KCNMA1: variants seen among roughly 807,000 people sequenced by gnomAD.
KCNMA1 encodes the protein Calcium-activated potassium channel subunit alpha-1.
A neutral mutation model predicts 140.0 loss-of-function variants in KCNMA1; 29 were observed. The observed-to-expected ratio is 0.21, with a 90% CI of 0.15 to 0.28. The LOEUF (loss-of-function observed/expected upper bound fraction) is 0.28, where lower values mean the gene tolerates loss of function less well. Among genes scored for constraint, KCNMA1 ranks in the 10% least tolerant of loss-of-function variants. The pLI, the probability that KCNMA1 is intolerant of heterozygous loss-of-function variation, is 1.00. For synonymous variants in KCNMA1, 612 were observed against 611.9 expected, an observed-to-expected ratio of 1.00 and a Z score of 0.00; for missense variants, 880 against 1,602.2, an observed-to-expected ratio of 0.55 and a Z score of 7.70.
At chr10:77,439,670 C>T (rs146786348) in intron 1 of KCNMA1, among the ~76,000 whole-genome samples, 291 of 152,280 alleles carry the variant, frequency 1.9e-3, no homozygotes, top group Non-Finnish European at 2.8e-3. Context: ...AGGCAGTACT[C>T]GGAAAAGGGC....
chr10:76,890,099 C>T (rs1455968186), intron 26 of KCNMA1, among the ~76,000 whole-genome samples: 1 of 152,200 alleles, frequency 6.6e-6, no homozygotes, highest in Non-Finnish European at 1.5e-5. Flanking sequence ...GCACAATTTA[C>T]AGACCTCAGA....
intron 1 of KCNMA1, among the ~76,000 whole-genome samples, chr10:77,604,689 G>A (rs1049588897): frequency 1.1e-4 from 17 of 148,020 alleles, no homozygotes; most frequent in Non-Finnish European, 1.8e-4. Flanking sequence ...CCCATCCCCC[G>A]CCCCCCAAAA....
rs2096753746 is a variant in KCNMA1 at position 77,088,891 on chromosome 10, GCCA to G, written c.1334+1506_1334+1508del. 2.0e-5 allele frequency among the ~76,000 whole-genome samples: 3 copies of G among 152,296 alleles called. No individual in the cohort carries two copies. The East Asian group carries it at 5.8e-4, about 29-fold the overall frequency. ...GAAAGAGATGTCCCCAGTCACTTCT[GCCA>G]CCTGATCAAAATGACTTCAGCATCC... On this transcript the variant is annotated intron_variant, in intron 10 of 27. Coordinates refer to ENST00000286628, the MANE Select transcript of KCNMA1 (RefSeq NM_001161352.2).
intron 1 of KCNMA1, among the ~76,000 whole-genome samples, chr10:77,596,263 A>G (rs900625858): frequency 3.9e-5 from 6 of 152,210 alleles, no homozygotes; most frequent in African/African-American, 1.4e-4. Context: ...TCCTCTCCAG[A>G]GATCAATTTC....
At chr10:77,414,953 AACAG>A (rs2154479655) in intron 1 of KCNMA1, among the ~76,000 whole-genome samples, 1 of 152,348 alleles carries the variant, frequency 6.6e-6, no homozygotes. Context: ...AATGTGCAAG[AACAG>A]AGATGGAATC....
At chr10:76,912,018 G>A (rs10762734) in intron 24 of KCNMA1, 36,516 of 152,062 alleles carry the variant, frequency 0.24, 4,808 homozygotes, top group Admixed American at 0.34. Context: ...GGGGACTCCC[G>A]ATTGCCAGTG....
intron 14 of KCNMA1, among the ~76,000 whole-genome samples, chr10:77,053,213 T>C (rs550126166): frequency 6.6e-6 from 1 of 152,280 alleles, no homozygotes; most frequent in East Asian, 1.9e-4. Context: ...CAATAATACA[T>C]GTCTATCCAC....
chr10:76,895,807 C>A, intron 25 of KCNMA1, among the ~76,000 whole-genome samples: 1 of 152,146 alleles, frequency 6.6e-6, no homozygotes, highest in East Asian at 1.9e-4. Flanking sequence ...GGAGACATCA[C>A]ATGTCGGCGG....
intron 5 of KCNMA1, among the ~76,000 whole-genome samples, chr10:77,163,514 T>C (rs183407159): frequency 1.6e-4 from 24 of 152,302 alleles, no homozygotes; most frequent in Non-Finnish European, 2.5e-4. Flanking sequence ...TTACTGAGTA[T>C]CTCCCATGCG....
At chr10:76,907,637 C>G (rs565887582) in intron 25 of KCNMA1, among the ~76,000 whole-genome samples, 1 of 152,308 alleles carries the variant, frequency 6.6e-6, no homozygotes, top group South Asian at 2.1e-4. Context: ...CTCCCAGGCT[C>G]AAGCGATTCT....
At chr10:77,247,214 G>A (rs1295446637) in intron 3 of KCNMA1, among the ~76,000 whole-genome samples, 1 of 152,182 alleles carries the variant, frequency 6.6e-6, no homozygotes, top group Non-Finnish European at 1.5e-5. Flanking sequence ...CTTCACACAT[G>A]TGAGTCATCC....
chr10:77,356,477 T>A (rs2093488003), intron 2 of KCNMA1, among the ~76,000 whole-genome samples: 1 of 152,236 alleles, frequency 6.6e-6, no homozygotes, highest in Non-Finnish European at 1.5e-5. Flanking sequence ...AGAACTTGTC[T>A]TTGCCTTCTA....
chr10:77,383,030 T>A (rs7895105), intron 2 of KCNMA1, among the ~76,000 whole-genome samples: 3,643 of 101,922 alleles, frequency 0.036, 60 homozygotes, highest in East Asian at 0.11. Flanking sequence ...ATATATATAT[T>A]CCAAGTGGAG....
At chr10:77,328,285 A>G (rs2084983386) in intron 2 of KCNMA1, among the ~76,000 whole-genome samples, 1 of 152,224 alleles carries the variant, frequency 6.6e-6, no homozygotes, top group Non-Finnish European at 1.5e-5. Flanking sequence ...AGTGCTTATC[A>G]CTTCCTTTAA....
rs117676872 is a variant in KCNMA1 at position 76,994,044 on chromosome 10, G to A, written c.2266+7363C>T. On this transcript the variant is annotated intron_variant, in intron 19 of 27. Transcript: ENST00000286628. ...GCAAGAGTAACTGAGCAACTCAACCGACTCCACACTCTGTGGAGCCACACG... is the reference window on the plus strand; with the variant it reads ...GCAAGAGTAACTGAGCAACTCAACCAACTCCACACTCTGTGGAGCCACACG... Among the ~76,000 whole-genome samples, 487 of 152,138 alleles carry A rather than the reference G, an allele frequency of 3.2e-3. 2 individuals are homozygous for A. Among genetic ancestry groups the A allele is most frequent in the Middle Eastern group, 0.014 (4 of 294 alleles).
intron 25 of KCNMA1, among the ~76,000 whole-genome samples, 172 bp downstream of exon 25, chr10:76,909,794 C>T (rs2049352360): frequency 6.6e-6 from 1 of 152,194 alleles, no homozygotes; most frequent in African/African-American, 2.4e-5. Context: ...TATAATCAAA[C>T]ATTTACTTGT....
intron 2 of KCNMA1, among the ~76,000 whole-genome samples, chr10:77,382,980 GTGTGTGTGTGTGTGTATATATA>G (rs1247190176): frequency 0.014 from 1,044 of 72,924 alleles, 21 homozygotes; most frequent in African/African-American, 0.086. Flanking sequence ...GTGTGTGTGT[GTGTGTGTGTGTGTGTATATATA>G]TATATATATA....
intron 5 of KCNMA1, among the ~76,000 whole-genome samples, chr10:77,129,382 T>C (rs2097804098): frequency 6.6e-6 from 1 of 152,212 alleles, no homozygotes; most frequent in Non-Finnish European, 1.5e-5. Context: ...GATGTATTTA[T>C]TTATTTTGGC....
At chr10:77,110,046 C>T in intron 8 of KCNMA1, 127 bp downstream of exon 8, 3 of 843,820 alleles carry the variant, frequency 3.6e-6, no homozygotes, top group Non-Finnish European at 6.0e-6. Flanking sequence ...TTTACTTAGC[C>T]TGATTGTAAC....
Sources: allele counts gnomAD v4.1 joint callset (sites outside exome capture counted in the v4.1 genomes callset), GRCh38; gene constraint gnomAD v4.1.1; transcripts MANE v1.5; gene names NCBI Gene and HGNC (gene_info 2026-07-23, HGNC 2026-07-21).